The following GALNT11 variants were observed in gnomAD, a reference collection of about 807,000 sequenced individuals.
GALNT11 encodes polypeptide N-acetylgalactosaminyltransferase 11, also known as UDP-GalNAc:polypeptide N-acetylgalactosaminyltransferase 11.
GALNT11 carries 47 observed loss-of-function variants against 72.7 expected under a neutral mutation model. That is an observed-to-expected ratio of 0.65 (90% CI 0.51 to 0.82). The LOEUF is 0.82. Ranked by LOEUF, GALNT11 falls within the 40% of genes least tolerant of loss-of-function variation. The pLI is 0.00. For missense variants in GALNT11, 677 were observed against 778.4 expected (o/e 0.87, Z 1.55); for synonymous variants, 270 against 286.6 (o/e 0.94, Z 0.58).
At chr7:152,100,091 T>G (rs1257959402) in intron 2 of GALNT11, among the ~76,000 whole-genome samples, 1 of 151,788 alleles carries the variant, frequency 6.6e-6, no homozygotes, top group African/African-American at 2.4e-5. Flanking sequence ...GGAAGCTCTT[T>G]TTATGGAAAA....
chr7:152,068,689 T>C (rs2084456424), intron 1 of GALNT11, among the ~76,000 whole-genome samples: 1 of 152,138 alleles, frequency 6.6e-6, no homozygotes, highest in South Asian at 2.1e-4. Flanking sequence ...ATCTAATCAG[T>C]TTTACCTGGC....
chr7:152,109,808 A>G (rs1439321996), intron 6 of GALNT11, among the ~76,000 whole-genome samples: 1 of 152,168 alleles, frequency 6.6e-6, no homozygotes, highest in South Asian at 2.1e-4. Context: ...AGCTTGGGCC[A>G]CTAGAATCCA....
At chr7:152,099,027 C>T (rs973788854) in intron 2 of GALNT11, among the ~76,000 whole-genome samples, 11 of 152,258 alleles carry the variant, frequency 7.2e-5, no homozygotes, top group South Asian at 2.1e-4. Context: ...TTGCTGCATT[C>T]GCCTCCTAGG....
At chr7:152,093,216 G>A (rs1274459243) in intron 1 of GALNT11, among the ~76,000 whole-genome samples, 2 of 148,970 alleles carry the variant, frequency 1.3e-5, no homozygotes, top group Non-Finnish European at 3.0e-5. Flanking sequence ...GTGACAGAGT[G>A]AGACTCTGTC....
chr7:152,032,152 A>G lies in GALNT11; in HGVS notation c.-39+6268A>G, dbSNP rs2082332659. Among the ~76,000 whole-genome samples, 4 of 152,182 alleles carry G rather than the reference A, an allele frequency of 2.6e-5. No individual in the cohort carries two copies. In the South Asian group the frequency reaches 8.3e-4, roughly 31 times the overall value. On this transcript the variant is annotated intron_variant, in intron 1 of 11. Transcript: ENST00000430044. ...CTTCCGAACTGGTAGCCAAAAGTAA[A>G]TCATCCACATACTGAAGGACCAGAG...
intron 1 of GALNT11, among the ~76,000 whole-genome samples, chr7:152,043,989 A>G (rs2082997390): frequency 6.6e-6 from 1 of 152,002 alleles, no homozygotes; most frequent in Admixed American, 6.5e-5. Flanking sequence ...ACATTCTCCA[A>G]CTGTTGCTCT....
chr7:152,072,298 G>A (rs557906507), intron 1 of GALNT11, among the ~76,000 whole-genome samples: 2 of 144,296 alleles, frequency 1.4e-5, no homozygotes, highest in African/African-American at 5.1e-5. Context: ...CTAGGTGACA[G>A]AGTGAGACTC....
rs369801287 is a variant in GALNT11, at chr7:152,070,127, G to T, written c.-38-24063G>T. Among the ~76,000 whole-genome samples, 7 of 151,616 alleles carry T rather than the reference G, an allele frequency of 4.6e-5. No homozygotes were observed. In the East Asian group the frequency reaches 1.2e-3, roughly 25 times the overall value. On this transcript the variant is annotated intron_variant, in intron 1 of 11. Coordinates refer to ENST00000430044, the MANE Select transcript of GALNT11 (RefSeq NM_022087.4). ...TTTTCCTGCCTCAGCCTCCCAAGTA[G>T]CTGGGACTATAGGTGCCCGCCACCA...
intron 1 of GALNT11, among the ~76,000 whole-genome samples, chr7:152,032,841 G>A (rs546841380): frequency 7.9e-5 from 12 of 152,296 alleles, no homozygotes; most frequent in African/African-American, 2.6e-4. Flanking sequence ...AAGGGTGTGG[G>A]ACTTTCAGGC....
In GALNT11 at chr7:152,110,651, T is replaced by C. The variant is rs1318073861; in HGVS notation, c.1080+6T>C. 1 of 1,562,956 alleles carries C rather than the reference T, an allele frequency of 6.4e-7. No individual in the cohort carries two copies. Among genetic ancestry groups the C allele is most frequent in the East Asian group, 2.2e-5 (1 of 44,588 alleles). On this transcript the variant is annotated splice_donor_region_variant and intron_variant, in intron 7 of 11. Transcript: ENST00000430044. The stretch of plus-strand genomic sequence containing the variant: ...ATTTGGAAATATCATTTCGGGTAAT[T>C]TAATTTTTGCATGCTCAATTAATAA...
intron 8 of GALNT11, 182 bp from the exon 9 acceptor site, chr7:152,116,975 C>T (rs774021756): frequency 7.3e-5 from 51 of 702,830 alleles, no homozygotes; most frequent in African/African-American, 5.2e-5. Flanking sequence ...CTGAGACTCA[C>T]GAGTTTGAGA....
intron 1 of GALNT11, among the ~76,000 whole-genome samples, chr7:152,053,364 T>A (rs1368713031): frequency 6.6e-6 from 1 of 152,194 alleles, no homozygotes; most frequent in Non-Finnish European, 1.5e-5. Context: ...AAACTGAAAA[T>A]GTACAGGTTG....
intron 6 of GALNT11, 45 bp downstream of exon 6, chr7:152,108,332 T>G: frequency 6.4e-7 from 1 of 1,567,504 alleles, no homozygotes; most frequent in East Asian, 2.3e-5. Context: ...AGTGCTTCCT[T>G]AAAAGAGAAC....
intron 6 of GALNT11, among the ~76,000 whole-genome samples, chr7:152,109,001 G>T (rs929225210): frequency 7.9e-4 from 117 of 147,862 alleles, no homozygotes; most frequent in African/African-American, 2.7e-3. Flanking sequence ...TTATTATGTT[G>T]TTATCGTTGC....
In GALNT11 at chr7:152,117,253, T is replaced by C; in HGVS notation, c.1330T>C (p.Phe444Leu). ...ELRKKLGCKS[F>L]KWYLDNVYPE... Reference sequence around the variant, plus strand: ...GAGAAAGAAGTTGGGCTGTAAATCATTTAAATGGTATTTGGATAATGTATA... The same window carrying C: ...GAGAAAGAAGTTGGGCTGTAAATCACTTAAATGGTATTTGGATAATGTATA... Residue 444 changes from phenylalanine to leucine, a missense_variant, in exon 9 of 12, where the codon TTT becomes CTT. Physicochemically the swap from Phe to Leu is conservative, Grantham distance 22. Coordinates refer to ENST00000430044, the MANE Select transcript of GALNT11 (RefSeq NM_022087.4). The C allele has an allele frequency of 6.2e-7, 1 of 1,614,188 alleles. No individual in the cohort carries two copies. Among genetic ancestry groups the C allele is most frequent in the Non-Finnish European group, 8.5e-7 (1 of 1,180,036 alleles).
rs191554831 is a variant in GALNT11, at chr7:152,035,057, T to A, written c.-39+9173T>A. Among the ~76,000 whole-genome samples, 249 of 152,022 alleles carry A rather than the reference T, an allele frequency of 1.6e-3. 3 individuals carry two copies. Among genetic ancestry groups the A allele is most frequent in the African/African-American group, 5.8e-3 (241 of 41,460 alleles). On this transcript the variant is annotated intron_variant, in intron 1 of 11. Coordinates refer to ENST00000430044, the MANE Select transcript of GALNT11 (RefSeq NM_022087.4). ...TGAGGGAGGGGAGGGATCTCCAGAGTTGGAAGAGTGATGCCTTTTTGTCCG... is the reference window on the plus strand; with the variant it reads ...TGAGGGAGGGGAGGGATCTCCAGAGATGGAAGAGTGATGCCTTTTTGTCCG...
In GALNT11 at chr7:152,121,709, C is replaced by G; in HGVS notation, c.*32C>G. The G allele has an allele frequency of 1.2e-6, 2 of 1,602,596 alleles. No individual in the cohort carries two copies. ...TGCTGTGGTGGGAACGTTGCTTCAT[C>G]AGGCGTTGCCTCCGGTGTGGAGTTT... On this transcript the variant is annotated 3_prime_UTR_variant, in exon 12 of 12. Coordinates refer to ENST00000430044, the MANE Select transcript of GALNT11 (RefSeq NM_022087.4).
intron 1 of GALNT11, among the ~76,000 whole-genome samples, chr7:152,043,172 A>T (rs2082949550): frequency 6.6e-6 from 1 of 152,190 alleles, no homozygotes; most frequent in African/African-American, 2.4e-5. Context: ...ACAGAAGTAG[A>T]TGTAACAATT....
chr7:152,100,679 G>GA lies in GALNT11; in HGVS notation c.296-115dup, dbSNP rs2086805665. On this transcript the variant is annotated intron_variant, in intron 2 of 11. Transcript: ENST00000430044. The stretch of plus-strand genomic sequence containing the variant: ...CAACCTAGAGACAACCTAAGTTTGA[G>GA]AAAAGAGATATTAGATTATAATAGG... 14 of 1,280,916 alleles carry GA rather than the reference G, an allele frequency of 1.1e-5. No individual in the cohort carries two copies. In the South Asian group the frequency reaches 1.9e-4, roughly 17 times the overall value. The allele number at this position is 1,280,916 out of a possible 1,614,324, so 79.3% of individuals were successfully genotyped here.
Sources: gnomAD v4.1 joint callset for allele counts (sites outside exome capture counted in the v4.1 genomes callset) on GRCh38, gnomAD v4.1.1 for gene constraint, MANE v1.5 for transcripts, NCBI Gene and HGNC (gene_info 2026-07-23, HGNC 2026-07-21) for gene names.